ZNF454: variants seen among roughly 807,000 people sequenced by gnomAD.
ZNF454 encodes the protein zinc finger protein 454.
Under a neutral mutation model 48.2 loss-of-function variants are expected in ZNF454, and 30 were observed. That is an observed-to-expected ratio of 0.62 (90% CI 0.47 to 0.84). ZNF454 has a LOEUF of 0.84. ZNF454 is among the 40% of genes least tolerant of loss of function. The probability of loss-of-function intolerance (pLI) is 0.00; values close to 1 mark genes in which losing one functional copy is unlikely to be tolerated. For missense variants in ZNF454, 510 were observed against 623.1 expected, an observed-to-expected ratio of 0.82 and a Z score of 1.93; for synonymous variants, 204 against 211.4, an observed-to-expected ratio of 0.97 and a Z score of 0.30.
At chr5:178,985,426 G>T in the ZNF454 span, 3 of 355,986 alleles carry the variant, frequency 8.4e-6, no homozygotes, top group Non-Finnish European at 1.1e-5. Flanking sequence ...AAAACTCACT[G>T]GGCGCAGCGG....
downstream of ZNF454, among the ~76,000 whole-genome samples, chr5:178,969,237 C>G (rs1760207811): frequency 6.6e-6 from 1 of 152,164 alleles, no homozygotes; most frequent in Admixed American, 6.5e-5. Context: ...TGCTCTCTAC[C>G]TGGGCATTCT....
chr5:178,982,133 G>A, the ZNF454 span, among the ~76,000 whole-genome samples: 6 of 152,322 alleles, frequency 3.9e-5, no homozygotes, highest in South Asian at 1.0e-3. Context: ...GAATGAGCAC[G>A]TTTCAAATAC....
the ZNF454 span, chr5:178,985,999 T>G: frequency 1.2e-6 from 1 of 805,408 alleles, no homozygotes; most frequent in African/African-American, 1.7e-5. Flanking sequence ...TGGACTCAGG[T>G]GATCCACCCA....
downstream of ZNF454, among the ~76,000 whole-genome samples, chr5:178,970,622 C>T (rs61696934): frequency 9.5e-3 from 1,449 of 152,132 alleles, 22 homozygotes; most frequent in African/African-American, 0.031. Context: ...CCACCACGCC[C>T]GGCTAATTTT....
At chr5:178,951,988 C>T (rs2113218092) in intron 4 of ZNF454, among the ~76,000 whole-genome samples, 1 of 151,040 alleles carries the variant, frequency 6.6e-6, no homozygotes, top group East Asian at 1.9e-4. Context: ...GAAATGGTAT[C>T]TTGTGGTTTT....
chr5:178,986,192 G>T, the ZNF454 span: 1 of 1,614,118 alleles, frequency 6.2e-7, no homozygotes, highest in Non-Finnish European at 8.5e-7. Context: ...AAGGGAGGGG[G>T]TGTGACCGAG....
At chr5:178,978,071 C>G in the ZNF454 span, among the ~76,000 whole-genome samples, 2 of 152,216 alleles carry the variant, frequency 1.3e-5, no homozygotes, top group Non-Finnish European at 2.9e-5. Context: ...TTGTAATAAG[C>G]ATCAGTATTC....
At chr5:178,983,333 G>A in the ZNF454 span, 13 of 918,670 alleles carry the variant, frequency 1.4e-5, no homozygotes, top group African/African-American at 1.3e-4. Flanking sequence ...GCCTATGGAG[G>A]GGATGCTCCA....
downstream of ZNF454, among the ~76,000 whole-genome samples, chr5:178,967,685 C>T (rs1380898935): frequency 6.6e-6 from 1 of 151,300 alleles, no homozygotes; most frequent in Non-Finnish European, 1.5e-5. Flanking sequence ...TTGAGTGGTA[C>T]AGTCGTCCTG....
At chr5:178,951,682 T>C (rs1296502899) in intron 4 of ZNF454, among the ~76,000 whole-genome samples, 2 of 152,212 alleles carry the variant, frequency 1.3e-5, no homozygotes, top group Non-Finnish European at 2.9e-5. Context: ...CTGCTGGCTG[T>C]GTAAGTTATT....
Position 178,941,962 on chromosome 5 carries a change from T to TA in ZNF454, c.-108+520dup, listed in dbSNP as rs1759107438. On this transcript the variant is annotated intron_variant, in intron 1 of 4. Coordinates refer to ENST00000519564, the MANE Select transcript of ZNF454 (RefSeq NM_001178089.3). The surrounding 1 kb of genome is among the most constrained non-coding windows in gnomAD (Gnocchi z 5.5). Reference sequence around the variant, plus strand: ...TTCCTCTTCTCCTGTCACTGCCAGATAAGGCAGCTGTTCCAAAGCCGCAGA... The same window carrying TA: ...TTCCTCTTCTCCTGTCACTGCCAGATAAAGGCAGCTGTTCCAAAGCCGCAGA... Among the ~76,000 whole-genome samples the TA allele has an allele frequency of 3.3e-5, 5 of 152,012 alleles. No homozygotes were observed. The highest frequency in any genetic ancestry group is 3.3e-4 in the Admixed American group (5 of 15,270).
intron 4 of ZNF454, among the ~76,000 whole-genome samples, chr5:178,954,264 C>CA (rs1457298454): frequency 6.6e-6 from 1 of 152,000 alleles, no homozygotes; most frequent in African/African-American, 2.4e-5. Flanking sequence ...AACAGCTGGG[C>CA]AACAGAGTGA....
At chr5:178,950,937 A>G (rs1212183341) in intron 4 of ZNF454, among the ~76,000 whole-genome samples, 11 of 149,212 alleles carry the variant, frequency 7.4e-5, no homozygotes, top group East Asian at 4.0e-4. Context: ...TCGGCTCACT[A>G]CAACCTCTGC....
the ZNF454 span, chr5:178,983,065 G>A: frequency 1.9e-6 from 3 of 1,614,090 alleles, no homozygotes; most frequent in African/African-American, 2.7e-5. Flanking sequence ...GTGACCATGA[G>A]CAGGAGGCTG....
At chr5:178,981,491 C>A in the ZNF454 span, 1 of 606,378 alleles carries the variant, frequency 1.6e-6, no homozygotes, top group South Asian at 2.0e-5. This position sits in a 1 kb window ranked among gnomAD's most constrained non-coding sequence, Gnocchi z 5.1. Context: ...CGGGGTAGAG[C>A]TGGGTCCAGT....
the ZNF454 span, chr5:178,989,694 TCA>T: frequency 3.7e-5 from 19 of 520,020 alleles, no homozygotes; most frequent in Admixed American, 1.3e-4. Flanking sequence ...TGATGCAAAC[TCA>T]GAGCCTCACC....
the ZNF454 span, chr5:178,983,023 C>T: frequency 5.6e-5 from 90 of 1,613,996 alleles, no homozygotes; most frequent in Non-Finnish European, 6.8e-5. Flanking sequence ...GTCTCGGGCA[C>T]GCCACGGGCC....
At chr5:178,943,804 T>C (rs1759207780) in intron 2 of ZNF454, among the ~76,000 whole-genome samples, 1 of 152,148 alleles carries the variant, frequency 6.6e-6, no homozygotes, top group African/African-American at 2.4e-5. Context: ...GGCCAGCGGA[T>C]CACGAGGTCA....
At position 178,941,537 on chromosome 5, in the gene ZNF454, G is replaced by T; in HGVS notation, c.-108+93G>T. On this transcript the variant is annotated intron_variant, in intron 1 of 4. Transcript: ENST00000519564. The surrounding 1 kb of genome is among the most constrained non-coding windows in gnomAD (Gnocchi z 5.5). ...GTCTGTGAGTGCCTGTGGAGGAGAT[G>T]GAGCCAGGGCCTCTGGCATGTGTCT... 2.2e-6 allele frequency: 1 copy of T among 456,162 alleles called. No individual in the cohort carries two copies. Among genetic ancestry groups the T allele is most frequent in the African/African-American group, 2.0e-5 (1 of 50,198 alleles). The allele number at this position is 456,162 out of a possible 1,614,324, so 28.3% of individuals were successfully genotyped here. A position where few individuals can be genotyped will look rare whatever the true frequency, so the allele number is the denominator to read the frequency against.
Sources: allele counts gnomAD v4.1 joint callset (sites outside exome capture counted in the v4.1 genomes callset), GRCh38; gene constraint gnomAD v4.1.1; non-coding constraint Gnocchi (gnomAD v3.1); transcripts MANE v1.5; gene names NCBI Gene and HGNC (gene_info 2026-07-23, HGNC 2026-07-21).